The following REV3L variants were observed in gnomAD, a reference collection of about 807,000 sequenced individuals.
The protein encoded by REV3L is DNA polymerase zeta catalytic subunit.
A neutral mutation model predicts 299.4 loss-of-function variants in REV3L; 69 were observed. The observed-to-expected ratio is 0.23, with a 90% CI of 0.19 to 0.28. The LOEUF is 0.28. Ranked by LOEUF, REV3L falls within the 10% of genes least tolerant of loss-of-function variation. REV3L has a pLI of 1.00. For missense variants in REV3L, 3,128 were observed against 3,693.8 expected (o/e 0.85, Z 3.97); for synonymous variants, 1,238 against 1,271.4 (o/e 0.97, Z 0.56).
intron 31 of REV3L, among the ~76,000 whole-genome samples, chr6:111,302,774 T>C (rs1316328831): frequency 6.6e-6 from 1 of 152,070 alleles, no homozygotes; most frequent in Non-Finnish European, 1.5e-5. Context: ...TGGTGGTGCA[T>C]GCCTGTAATC....
intron 1 of REV3L, among the ~76,000 whole-genome samples, chr6:111,429,817 C>A (rs766382284): frequency 2.4e-4 from 37 of 152,054 alleles, no homozygotes; most frequent in Admixed American, 1.8e-3. Flanking sequence ...CCCGGTCGGA[C>A]ATGGACAAGA....
chr6:111,311,429 A>G (rs879391546), intron 28 of REV3L, 170 bp from the exon 29 acceptor site: 8 of 452,522 alleles, frequency 1.8e-5, no homozygotes, highest in Admixed American at 3.9e-5. Flanking sequence ...AAGTTATTTG[A>G]GACTTTAGAG....
chr6:111,372,126 A>G (rs1214138532), intron 13 of REV3L, among the ~76,000 whole-genome samples: 1 of 152,242 alleles, frequency 6.6e-6, no homozygotes, highest in East Asian at 1.9e-4. Context: ...AATAGAAACA[A>G]CTTACAATAA....
chr6:111,357,066 A>G lies in REV3L; in HGVS notation c.7132T>C (p.Tyr2378His), dbSNP rs746440113. 5 of 1,603,666 alleles carry G rather than the reference A, an allele frequency of 3.1e-6. No individual in the cohort carries two copies. The highest frequency in any genetic ancestry group is 4.3e-6 in the Non-Finnish European group (5 of 1,174,050). The change falls in exon 18 of 32, where the codon TAT becomes CAT. Residue 2378 changes from tyrosine to histidine, a missense_variant. Coordinates refer to ENST00000368802, the MANE Select transcript of REV3L (RefSeq NM_001372078.1). ...RSGITGLEVT[Y>H]AADEKALFHE... ...AAAAGTGCCTTCTCATCAGCAGCAT[A>G]GGTGACTTCGAGTCCTGTAATTCCA... is the stretch of plus-strand genomic sequence containing the variant.
At chr6:111,306,326 T>C (rs531851325) in intron 31 of REV3L, among the ~76,000 whole-genome samples, 1 of 152,196 alleles carries the variant, frequency 6.6e-6, no homozygotes, top group Non-Finnish European at 1.5e-5. Flanking sequence ...GCGAGGGGCA[T>C]TCACAGACCT....
chr6:111,475,259 T>TCC (rs937634239), intron 1 of REV3L, among the ~76,000 whole-genome samples: 5 of 152,056 alleles, frequency 3.3e-5, no homozygotes, highest in African/African-American at 1.2e-4. Context: ...CCTAACTACT[T>TCC]CCCTACTGAT....
chr6:111,477,813 T>A (rs950693402), intron 1 of REV3L, among the ~76,000 whole-genome samples: 1 of 152,186 alleles, frequency 6.6e-6, no homozygotes, highest in African/African-American at 2.4e-5. Flanking sequence ...CTGATTACAG[T>A]GTAGGAAACA....
chr6:111,476,685 A>G (rs1792982600), intron 1 of REV3L, among the ~76,000 whole-genome samples: 1 of 152,216 alleles, frequency 6.6e-6, no homozygotes, highest in African/African-American at 2.4e-5. Flanking sequence ...TTTTCAAAAC[A>G]TTTTAAAATT....
chr6:111,310,190 A>C, intron 29 of REV3L, 91 bp from the exon 30 acceptor site: 1 of 1,398,332 alleles, frequency 7.2e-7, no homozygotes, highest in Non-Finnish European at 9.4e-7. Context: ...CAATAATAAA[A>C]CAATGAAAAA....
chr6:111,403,492 G>C (rs947860391), intron 4 of REV3L, among the ~76,000 whole-genome samples: 6 of 152,036 alleles, frequency 3.9e-5, no homozygotes, highest in Non-Finnish European at 7.4e-5. Context: ...TCACATTTTG[G>C]TTCCTCTTGC....
chr6:111,470,777 C>T (rs566056790), intron 1 of REV3L, among the ~76,000 whole-genome samples: 82 of 152,178 alleles, frequency 5.4e-4, no homozygotes, highest in Admixed American at 2.2e-3. Flanking sequence ...GTCAGGAGTT[C>T]GAAACCAGCC....
At chr6:111,423,880 AAG>A (rs1785861962) in intron 1 of REV3L, among the ~76,000 whole-genome samples, 1 of 152,222 alleles carries the variant, frequency 6.6e-6, no homozygotes, top group African/African-American at 2.4e-5. Flanking sequence ...AAAACTGTAA[AAG>A]AGGGGCGGGT....
chr6:111,381,206 G>A (rs1193667216), intron 10 of REV3L, 119 bp downstream of exon 10: 14 of 976,688 alleles, frequency 1.4e-5, no homozygotes, highest in South Asian at 1.4e-4. Flanking sequence ...ATTCAGTAGA[G>A]TGTTTACTGA....
At chr6:111,466,458 G>A (rs765159783) in intron 1 of REV3L, among the ~76,000 whole-genome samples, 1 of 152,130 alleles carries the variant, frequency 6.6e-6, no homozygotes, top group Admixed American at 6.5e-5. Context: ...GATTATAAAT[G>A]TCCTATCAGT....
At chr6:111,460,082 C>T (rs1184653447) in intron 1 of REV3L, among the ~76,000 whole-genome samples, 1 of 152,198 alleles carries the variant, frequency 6.6e-6, no homozygotes, top group East Asian at 1.9e-4. Flanking sequence ...GAACACTACA[C>T]AGCCACAGAA....
At chr6:111,332,538 C>CA (rs1158434628) in intron 23 of REV3L, among the ~76,000 whole-genome samples, 1 of 152,072 alleles carries the variant, frequency 6.6e-6, no homozygotes, top group Non-Finnish European at 1.5e-5. Context: ...TCCACAGATG[C>CA]TTTCTATGAA....
At chr6:111,477,420 G>A (rs1793067480) in intron 1 of REV3L, among the ~76,000 whole-genome samples, 1 of 152,220 alleles carries the variant, frequency 6.6e-6, no homozygotes, top group Non-Finnish European at 1.5e-5. Context: ...GCTATGAGGA[G>A]AGTTCATGGT....
chr6:111,327,963 A>C (rs1317470764), intron 25 of REV3L, among the ~76,000 whole-genome samples: 1 of 152,158 alleles, frequency 6.6e-6, no homozygotes, highest in Non-Finnish European at 1.5e-5. Flanking sequence ...CTCTTACTGA[A>C]CTAATGCAAA....
chr6:111,399,851 C>G (rs1782909145), intron 4 of REV3L, among the ~76,000 whole-genome samples: 1 of 152,110 alleles, frequency 6.6e-6, no homozygotes, highest in African/African-American at 2.4e-5. Flanking sequence ...ATGTAACCAC[C>G]AACCCAGGAC....
Sources: allele counts gnomAD v4.1 joint callset (sites outside exome capture counted in the v4.1 genomes callset), GRCh38; gene constraint gnomAD v4.1.1; transcripts MANE v1.5; gene names NCBI Gene and HGNC (gene_info 2026-07-23, HGNC 2026-07-21).